Variants in ANO1 observed in about 807,000 individuals in gnomAD.
ANO1 encodes the protein anoctamin 1.
Under a neutral mutation model 124.0 loss-of-function variants are expected in ANO1, and 59 were observed. The observed-to-expected ratio is 0.48, with a 90% CI of 0.39 to 0.59. The LOEUF (loss-of-function observed/expected upper bound fraction) is 0.59. Among genes scored for constraint, ANO1 ranks in the 20% least tolerant of loss-of-function variants. The pLI is 0.00. For missense variants in ANO1, 1,059 were observed against 1,328.0 expected (o/e 0.80, Z 3.15); for synonymous variants, 529 against 532.0 (o/e 0.99, Z 0.08).
chr11:70,038,853 T>C (rs556750198), intron 1 of ANO1, among the ~76,000 whole-genome samples: 31 of 151,970 alleles, frequency 2.0e-4, no homozygotes, highest in Middle Eastern at 6.8e-3. Flanking sequence ...TGTGTATGAG[T>C]GAATGGTTTC....
At chr11:70,041,286 C>A (rs185680856) in intron 1 of ANO1, among the ~76,000 whole-genome samples, 60 of 152,308 alleles carry the variant, frequency 3.9e-4, no homozygotes, top group Non-Finnish European at 6.3e-4. Flanking sequence ...TTCTGTGAAC[C>A]TTGACCCCTG....
rs369009893 is a variant in ANO1, at chr11:70,087,886, G to A, written c.243G>A (p.Arg81=). 3,282 of 1,612,160 alleles carry A rather than the reference G, an allele frequency of 2.0e-3. 6 individuals carry two copies. The highest frequency in any genetic ancestry group is 2.3e-3 in the Non-Finnish European group (2,738 of 1,179,484). The part of the protein sequence containing the change: ...KRPSGNRTLV[R]RVQHSDTPSG... Reference sequence around the variant, plus strand: ...CCTCGGGCAACCGGACCCTGGTCAGGAGGGTGCAGCACAGCGACACCCCCT... The same window carrying A: ...CCTCGGGCAACCGGACCCTGGTCAGAAGGGTGCAGCACAGCGACACCCCCT... Residue 81 remains arginine (R), a synonymous_variant, in exon 2 of 26, where the codon AGG becomes AGA. Coordinates refer to ENST00000355303, the MANE Select transcript of ANO1 (RefSeq NM_018043.7).
At chr11:69,997,672 G>A (rs1369456269) in intron 1 of ANO1, among the ~76,000 whole-genome samples, 1 of 152,236 alleles carries the variant, frequency 6.6e-6, no homozygotes, top group Non-Finnish European at 1.5e-5. Flanking sequence ...GGAGGTGACT[G>A]GATCATGGGG....
intron 1 of ANO1, among the ~76,000 whole-genome samples, chr11:70,021,962 G>A (rs567740422): frequency 6.6e-6 from 1 of 152,164 alleles, no homozygotes; most frequent in Non-Finnish European, 1.5e-5. Context: ...AGGAGCAGAC[G>A]AAACCAAGCA....
At chr11:70,147,049 G>A (rs900391732) in intron 11 of ANO1, among the ~76,000 whole-genome samples, 7 of 152,230 alleles carry the variant, frequency 4.6e-5, no homozygotes, top group African/African-American at 1.7e-4. Flanking sequence ...ATCCAATCAA[G>A]TTGACACTCA....
At chr11:70,132,126 G>A (rs1003801335) in intron 11 of ANO1, 47 bp downstream of exon 11, 4 of 1,537,316 alleles carry the variant, frequency 2.6e-6, no homozygotes, top group Admixed American at 3.8e-5. Context: ...TGGTGAGTCT[G>A]AGTGGTACCT....
At chr11:70,028,631 G>A (rs541476393) in intron 1 of ANO1, among the ~76,000 whole-genome samples, 14 of 152,114 alleles carry the variant, frequency 9.2e-5, no homozygotes, top group Non-Finnish European at 1.6e-4. Context: ...CAGAGCTGAA[G>A]CTTCCCCTCC....
intron 14 of ANO1, 87 bp from the exon 15 acceptor site, chr11:70,155,824 G>T (rs1463791295): frequency 7.8e-7 from 1 of 1,283,368 alleles, no homozygotes; most frequent in East Asian, 2.9e-5. Flanking sequence ...CTGCTGCCAA[G>T]ATGGGGACGG....
At chr11:70,016,420 G>A (rs1423088554) in intron 1 of ANO1, 2 of 152,264 alleles carry the variant, frequency 1.3e-5, no homozygotes, top group Non-Finnish European at 2.9e-5. Flanking sequence ...ATATGGTGGC[G>A]GCTTACCTAT....
intron 3 of ANO1, 148 bp from the exon 4 acceptor site, chr11:70,103,851 G>A: frequency 1.3e-6 from 1 of 766,472 alleles, no homozygotes; most frequent in Non-Finnish European, 2.0e-6. Flanking sequence ...GCGGGGTGGG[G>A]CGGTGCATTC....
intron 25 of ANO1, among the ~76,000 whole-genome samples, chr11:70,187,439 C>T (rs1212081128): frequency 6.6e-6 from 1 of 152,108 alleles, no homozygotes; most frequent in African/African-American, 2.4e-5. Flanking sequence ...TTAGATTTGG[C>T]GATGTGTGAT....
At chr11:70,155,683 C>T (rs562533728) in intron 14 of ANO1, among the ~76,000 whole-genome samples, 1 of 152,322 alleles carries the variant, frequency 6.6e-6, no homozygotes, top group African/African-American at 2.4e-5. Context: ...GGAGTCTCTC[C>T]CGTCTCCACC....
chr11:69,995,113 T>TTTG (rs1856242485), intron 1 of ANO1, among the ~76,000 whole-genome samples: 4 of 151,438 alleles, frequency 2.6e-5, no homozygotes, highest in Non-Finnish European at 4.4e-5. Context: ...TTTTTTTTTT[T>TTTG]TTTTGAGATG....
intron 1 of ANO1, among the ~76,000 whole-genome samples, chr11:70,017,410 C>T (rs1856720695): frequency 6.6e-6 from 1 of 152,082 alleles, no homozygotes; most frequent in African/African-American, 2.4e-5. Flanking sequence ...TCAAGACCAG[C>T]CTGGGCAACA....
chr11:70,010,726 C>A (rs1046970254), intron 1 of ANO1, among the ~76,000 whole-genome samples: 1 of 152,154 alleles, frequency 6.6e-6, no homozygotes, highest in Non-Finnish European at 1.5e-5. Context: ...AGCCCCCGCT[C>A]CCACCAGGGG....
chr11:70,095,759 C>T (rs34503495), intron 2 of ANO1, among the ~76,000 whole-genome samples: 22,226 of 152,222 alleles, frequency 0.15, 1,788 homozygotes, highest in African/African-American at 0.2. Flanking sequence ...CCCCTCACCC[C>T]CGCCGGAGCC....
chr11:70,067,418 C>T (rs981996317), intron 1 of ANO1, among the ~76,000 whole-genome samples: 2 of 151,766 alleles, frequency 1.3e-5, no homozygotes, highest in Admixed American at 6.6e-5. Context: ...ACCTCCACCC[C>T]CTAGGTTTAA....
At chr11:69,999,709 A>G (rs4980719) in intron 1 of ANO1, among the ~76,000 whole-genome samples, 75,811 of 151,986 alleles carry the variant, frequency 0.5, 20,008 homozygotes, top group East Asian at 0.89. Context: ...TCACTTACTA[A>G]GTGCTCAATA....
intron 11 of ANO1, chr11:70,141,815 C>G (rs936042380): frequency 3.3e-5 from 5 of 152,216 alleles, no homozygotes; most frequent in African/African-American, 1.2e-4. Context: ...CCGCTTGTGT[C>G]CTTTCTTTTC....
Sources: gnomAD v4.1 joint callset for allele counts (sites outside exome capture counted in the v4.1 genomes callset) on GRCh38, gnomAD v4.1.1 for gene constraint, MANE v1.5 for transcripts, NCBI Gene and HGNC (gene_info 2026-07-23, HGNC 2026-07-21) for gene names.